Variants in TRIQK observed in about 807,000 individuals in gnomAD.
TRIQK encodes the protein triple QxxK/R motif-containing protein.
A neutral mutation model predicts 10.8 loss-of-function variants in TRIQK; 10 were observed. The ratio of observed to expected loss-of-function variants is 0.92; its 90% CI spans 0.57 to 1.57. TRIQK has a LOEUF of 1.57. Among genes scored for constraint, TRIQK ranks in the 40% most tolerant of loss-of-function variants. The pLI is 0.00. For missense variants in TRIQK, 107 were observed against 97.7 expected (o/e 1.09, Z -0.40); for synonymous variants, 33 against 33.7 (o/e 0.98, Z 0.07).
upstream of TRIQK, among the ~76,000 whole-genome samples, chr8:92,966,756 A>G (rs981009240): frequency 1.3e-5 from 2 of 152,168 alleles, no homozygotes; most frequent in Non-Finnish European, 2.9e-5. Context: ...GCCTATGGAC[A>G]ATGAAACACA....
intron 1 of TRIQK, among the ~76,000 whole-genome samples, chr8:93,012,934 T>C (rs1017400347): frequency 2.0e-5 from 3 of 152,168 alleles, no homozygotes; most frequent in Non-Finnish European, 4.4e-5. Context: ...GTGGTCTGTG[T>C]TTTCACACGC....
At chr8:92,910,372 AG>A (rs1222373853) in intron 3 of TRIQK, among the ~76,000 whole-genome samples, 2 of 151,314 alleles carry the variant, frequency 1.3e-5, no homozygotes, top group South Asian at 2.1e-4. Context: ...AAGAAAAAAA[AG>A]GAATGGAAAA....
intron 1 of TRIQK, among the ~76,000 whole-genome samples, chr8:92,987,610 T>C (rs970986430): frequency 1.3e-5 from 2 of 152,172 alleles, no homozygotes; most frequent in Non-Finnish European, 2.9e-5. Context: ...TTGCTTAGCA[T>C]AGTAAATAAT....
intron 1 of TRIQK, among the ~76,000 whole-genome samples, chr8:92,975,139 A>G (rs1812918272): frequency 1.3e-5 from 2 of 152,172 alleles, no homozygotes; most frequent in Admixed American, 6.5e-5. Context: ...GCCTGCTCTC[A>G]TGGCCTCCCC....
chr8:93,010,273 C>G (rs1385089373), intron 1 of TRIQK, among the ~76,000 whole-genome samples: 5 of 152,022 alleles, frequency 3.3e-5, no homozygotes, highest in African/African-American at 1.2e-4. Flanking sequence ...TTTGAATGAT[C>G]TCACTACACA....
Position 92,892,012 on chromosome 8 carries a change from TTGCTTC to T in TRIQK, c.118_123del (p.Glu40_Ala41del). On this transcript the variant is annotated inframe_deletion, in exon 4 of 5. Transcript: ENST00000521988. ...ACCTTTATGCCTATTGCTGTTTTCT[TTGCTTC>T]TGCTTTTAATTTGGTTGCTCGTAAA... 1 of 1,533,822 alleles carries T rather than the reference TTGCTTC, an allele frequency of 6.5e-7. No individual in the cohort carries two copies. The highest frequency in any genetic ancestry group is 8.7e-7 in the Non-Finnish European group (1 of 1,144,562).
chr8:92,978,989 T>C (rs976932265), intron 1 of TRIQK, among the ~76,000 whole-genome samples: 2 of 152,118 alleles, frequency 1.3e-5, no homozygotes, highest in African/African-American at 4.8e-5. Context: ...ATCAGTGGTA[T>C]AAAACAACAA....
At chr8:92,971,323 G>C (rs1028455984) in intron 1 of TRIQK, among the ~76,000 whole-genome samples, 3 of 152,128 alleles carry the variant, frequency 2.0e-5, no homozygotes, top group Admixed American at 2.0e-4. Flanking sequence ...AAAAAATAAA[G>C]GGTATTCAAA....
At chr8:92,979,909 AAGAT>A (rs777458796) in intron 1 of TRIQK, among the ~76,000 whole-genome samples, 4 of 152,070 alleles carry the variant, frequency 2.6e-5, no homozygotes, top group African/African-American at 7.2e-5. Context: ...TTATATATGA[AAGAT>A]AGAGTTGCTT....
rs182616254 is a variant in TRIQK at position 92,938,647 on chromosome 8, T to C, written c.-22+15759A>G. The stretch of plus-strand genomic sequence containing the variant: ...ACATCTACACATATATGAGACCATG[T>C]ATTGTCTCATAACTAACCGAGGCAC... On this transcript the variant is annotated intron_variant, in intron 2 of 4. Transcript: ENST00000521988. 7.9e-5 allele frequency among the ~76,000 whole-genome samples: 12 copies of C among 152,270 alleles called. No homozygotes were observed. The East Asian group carries it at 1.7e-3, about 22-fold the overall frequency.
intron 1 of TRIQK, among the ~76,000 whole-genome samples, chr8:92,977,296 G>A (rs563001126): frequency 1.4e-4 from 21 of 152,008 alleles, no homozygotes; most frequent in Admixed American, 9.2e-4. Flanking sequence ...CTTTAATGAC[G>A]TTCACTACTT....
At chr8:92,918,319 A>G (rs987802751) in intron 2 of TRIQK, among the ~76,000 whole-genome samples, 4 of 151,950 alleles carry the variant, frequency 2.6e-5, no homozygotes, top group African/African-American at 9.7e-5. Context: ...ATAATGGTGT[A>G]CCAATTTACA....
intron 2 of TRIQK, among the ~76,000 whole-genome samples, chr8:92,918,170 T>C (rs1314259415): frequency 2.0e-5 from 3 of 152,128 alleles, no homozygotes; most frequent in African/African-American, 4.8e-5. Flanking sequence ...TTGTGAATAA[T>C]GCTGCAATAA....
chr8:93,015,580 C>T (rs1393629919), intron 1 of TRIQK, among the ~76,000 whole-genome samples: 8 of 151,774 alleles, frequency 5.3e-5, no homozygotes, highest in African/African-American at 1.9e-4. Context: ...CTAACAAATC[C>T]TCGCTTTTGC....
chr8:92,979,408 C>T (rs1368596571), intron 1 of TRIQK, among the ~76,000 whole-genome samples: 1 of 151,964 alleles, frequency 6.6e-6, no homozygotes, highest in African/African-American at 2.4e-5. Flanking sequence ...TGAAGAATTC[C>T]AGAATGCCAG....
intron 3 of TRIQK, among the ~76,000 whole-genome samples, chr8:92,903,126 T>A (rs960453959): frequency 8.5e-5 from 13 of 152,066 alleles, no homozygotes; most frequent in Non-Finnish European, 1.5e-5. Flanking sequence ...TTCTTATTTT[T>A]AAATATATTC....
At chr8:92,986,247 AGGC>A (rs1813029166) in intron 1 of TRIQK, among the ~76,000 whole-genome samples, 1 of 152,132 alleles carries the variant, frequency 6.6e-6, no homozygotes, top group South Asian at 2.1e-4. Flanking sequence ...AGTTCTTGAA[AGGC>A]ACCACATTAT....
At chr8:92,900,783 A>T (rs1808892511) in intron 3 of TRIQK, among the ~76,000 whole-genome samples, 1 of 152,008 alleles carries the variant, frequency 6.6e-6, no homozygotes, top group African/African-American at 2.4e-5. Flanking sequence ...AAAGAATTTC[A>T]TTGGTATTTT....
intron 2 of TRIQK, among the ~76,000 whole-genome samples, chr8:92,939,835 C>T (rs1258547436): frequency 6.6e-6 from 1 of 152,176 alleles, no homozygotes; most frequent in Non-Finnish European, 1.5e-5. Flanking sequence ...GGAAGCAAAC[C>T]CTCATCATGC....
Sources: allele counts gnomAD v4.1 joint callset (sites outside exome capture counted in the v4.1 genomes callset), GRCh38; gene constraint gnomAD v4.1.1; transcripts MANE v1.5; gene names NCBI Gene and HGNC (gene_info 2026-07-23, HGNC 2026-07-21).